APOL6: variants seen among roughly 807,000 people sequenced by gnomAD.
The protein encoded by APOL6 is apolipoprotein L6.
A neutral mutation model predicts 2.4 loss-of-function variants in APOL6; 1 was observed. The observed-to-expected ratio is 0.41, with a 90% CI of 0.15 to 1.94. APOL6 has a LOEUF of 1.94. Ranked by LOEUF, APOL6 falls within the 30% of genes most tolerant of loss-of-function variation. The pLI, the probability that APOL6 is intolerant of heterozygous loss-of-function variation, is 0.30. For synonymous variants in APOL6, 189 were observed against 169.3 expected (o/e 1.12, Z -0.90); for missense variants, 438 against 429.2 (o/e 1.02, Z -0.18).
rs567070302 is a variant in APOL6 at position 35,666,870 on chromosome 22, C to G, written c.*7274C>G. On this transcript the variant is annotated 3_prime_UTR_variant, in exon 3 of 3. Coordinates refer to ENST00000409652, the MANE Select transcript of APOL6 (RefSeq NM_030641.4). Reference sequence around the variant, plus strand: ...ACAGCTTTTAACAATTTAGTATACTCCTATGACAAAATTTGGAGCATATTT... The same window carrying G: ...ACAGCTTTTAACAATTTAGTATACTGCTATGACAAAATTTGGAGCATATTT... 5.3e-5 allele frequency: 8 copies of G among 152,320 alleles called. No homozygotes were observed. In the South Asian group the frequency reaches 1.7e-3, roughly 32 times the overall value. 9.4% of individuals were successfully genotyped at this position (152,320 alleles called of 1,614,324 possible).
In APOL6 at chr22:35,656,234, C is replaced by CA. The variant is rs1471422956; in HGVS notation, c.-47-143dup. 8.5e-5 allele frequency: 54 copies of CA among 634,384 alleles called. No individual in the cohort carries two copies. The East Asian group carries it at 1.5e-3, about 18-fold the overall frequency. 39.3% of individuals were successfully genotyped at this position (634,384 alleles called of 1,614,324 possible). A position where few individuals can be genotyped will look rare whatever the true frequency, so the allele number is the denominator to read the frequency against. ...TGTATGTAAGCTACACCTCAACATA[C>CA]AATTTTCAAATAATAGTTTGCAAAT... is the stretch of plus-strand genomic sequence containing the variant. On this transcript the variant is annotated intron_variant, in intron 1 of 2. Transcript: ENST00000409652.
Position 35,658,675 on chromosome 22 carries a change from C to T in APOL6, c.111C>T (p.Pro37=), listed in dbSNP as rs749676491. The change falls in exon 3 of 3, where the codon CCC becomes CCT. Residue 37 remains proline (P), a synonymous_variant. Transcript: ENST00000409652. ...AGCTACAAGACGGAGATCTGTCCCC[C>T]GAAGAAAAAATATTTTTGAGAGAAT... ...DVELQDGDLS[P]EEKIFLREFP... The T allele has an allele frequency of 5.6e-6, 9 of 1,613,898 alleles. No homozygotes were observed. Among genetic ancestry groups the T allele is most frequent in the Non-Finnish European group, 6.8e-6 (8 of 1,179,988 alleles).
At position 35,658,878 on chromosome 22, in the gene APOL6, G is replaced by A. The variant is rs1247471274; in HGVS notation, c.314G>A (p.Gly105Glu). The change falls in exon 3 of 3, where the codon GGA becomes GAA. Residue 105 changes from glycine to glutamate, a missense_variant. Gly to Glu is a moderately conservative substitution (Grantham distance 98). Coordinates refer to ENST00000409652, the MANE Select transcript of APOL6 (RefSeq NM_030641.4). Reference sequence around the variant, plus strand: ...GCCCTTGCCCCAGCAACAGGAGGAGGAAGCCTGCTGCTCTCCACCGCTGGT... The same window carrying A: ...GCCCTTGCCCCAGCAACAGGAGGAGAAAGCCTGCTGCTCTCCACCGCTGGT... ...GLALAPATGG[G>E]SLLLSTAGQG... The A allele has an allele frequency of 6.2e-7, 1 of 1,614,120 alleles. No homozygotes were observed. The highest frequency in any genetic ancestry group is 8.5e-7 in the Non-Finnish European group (1 of 1,180,028).
rs765098918 is a variant in APOL6, at chr22:35,656,470, G to A, written c.45G>A (p.Leu15=). ...GAGAAAGTGAGGCTGGTGTTGGTTT[G>A]CAAAGGTAATCCAAAGGGTGTAGTC... ...AERESEAGVG[L]QRDEDDAPLC... Residue 15 remains leucine (L), a synonymous_variant, in exon 2 of 3, where the codon TTG becomes TTA. Coordinates refer to ENST00000409652, the MANE Select transcript of APOL6 (RefSeq NM_030641.4). 3.0e-5 allele frequency: 48 copies of A among 1,613,948 alleles called. No homozygotes were observed. Among genetic ancestry groups the A allele is most frequent in the Non-Finnish European group, 3.6e-5 (42 of 1,179,976 alleles).
chr22:35,650,372 G>A lies in APOL6; in HGVS notation c.-48+1749G>A, dbSNP rs751184974. On this transcript the variant is annotated intron_variant, in intron 1 of 2. Coordinates refer to ENST00000409652, the MANE Select transcript of APOL6 (RefSeq NM_030641.4). Reference sequence around the variant, plus strand: ...TAAAATAACTGAAAACAACCCAAAGGTTCAACAGTGAGAGAGTTATTGAAT... The same window carrying A: ...TAAAATAACTGAAAACAACCCAAAGATTCAACAGTGAGAGAGTTATTGAAT... Among the ~76,000 whole-genome samples the A allele has an allele frequency of 2.0e-5, 3 of 152,024 alleles. No individual in the cohort carries two copies. The East Asian group carries it at 5.8e-4, about 29-fold the overall frequency.
At chr22:35,654,127 A>C (rs1172398547) in intron 1 of APOL6, among the ~76,000 whole-genome samples, 1 of 152,208 alleles carries the variant, frequency 6.6e-6, no homozygotes, top group African/African-American at 2.4e-5. Flanking sequence ...CTCTCTGGGC[A>C]CACCACCCTC....
chr22:35,656,296 A>G, intron 1 of APOL6, 83 bp from the exon 2 acceptor site: 1 of 1,053,092 alleles, frequency 9.5e-7, no homozygotes, highest in Non-Finnish European at 1.5e-6. Context: ...TTGATAGTAC[A>G]TAATCCAAAA....
chr22:35,664,233 A>C lies in APOL6; in HGVS notation c.*4637A>C, dbSNP rs920013744. On this transcript the variant is annotated 3_prime_UTR_variant, in exon 3 of 3. Transcript: ENST00000409652. The stretch of plus-strand genomic sequence containing the variant: ...AATTTGGCATAGGGGTTATAAAACT[A>C]TAAACCCAGCCCAAAACAGAATGAT... 1 of 152,244 alleles carries C rather than the reference A, an allele frequency of 6.6e-6. No homozygotes were observed. Among genetic ancestry groups the C allele is most frequent in the African/African-American group, 2.4e-5 (1 of 41,474 alleles). 9.4% of individuals were successfully genotyped at this position (152,244 alleles called of 1,614,324 possible).
intron 2 of APOL6, 142 bp downstream of exon 2, chr22:35,656,617 A>G (rs1924852414): frequency 2.1e-6 from 2 of 942,206 alleles, no homozygotes; most frequent in East Asian, 5.0e-5. Flanking sequence ...CATTATGCAT[A>G]TGAAAATCTG....
intron 1 of APOL6, among the ~76,000 whole-genome samples, chr22:35,652,262 A>G (rs1924717840): frequency 6.1e-5 from 1 of 16,262 alleles, no homozygotes; most frequent in Admixed American, 8.0e-4. Context: ...TTTTTCTTGT[A>G]AATTTGTTTG....
rs942647727 is a variant in APOL6 at position 35,668,302 on chromosome 22, G to T, written c.*8706G>T. The T allele has an allele frequency of 1.1e-4, 17 of 152,082 alleles. No homozygotes were observed. Among genetic ancestry groups the T allele is most frequent in the Non-Finnish European group, 2.4e-4 (16 of 68,062 alleles). The allele number at this position is 152,082 out of a possible 1,614,324, so 9.4% of individuals were successfully genotyped here. A position where few individuals can be genotyped will look rare whatever the true frequency, so the allele number is the denominator to read the frequency against. ...GTCTCCCTAAAATGTATAAAACCACGCTGTTCCCCGACCACCTGGAGCACA... is the reference window on the plus strand; with the variant it reads ...GTCTCCCTAAAATGTATAAAACCACTCTGTTCCCCGACCACCTGGAGCACA... On this transcript the variant is annotated 3_prime_UTR_variant, in exon 3 of 3. Coordinates refer to ENST00000409652, the MANE Select transcript of APOL6 (RefSeq NM_030641.4).
rs530115936 is a variant in APOL6, at chr22:35,661,097, T to A, written c.*1501T>A. ...TCTGTGGTGAGCAAAGTTTGCCTTA[T>A]TACACTGATAAAGTGTAATTACACT... On this transcript the variant is annotated 3_prime_UTR_variant, in exon 3 of 3. Transcript: ENST00000409652. 28 of 152,170 alleles carry A rather than the reference T, an allele frequency of 1.8e-4. No individual in the cohort carries two copies. Among genetic ancestry groups the A allele is most frequent in the African/African-American group, 6.7e-4 (28 of 41,486 alleles). 9.4% of individuals were successfully genotyped at this position (152,170 alleles called of 1,614,324 possible).
rs2145958817 is a variant in APOL6 at position 35,659,716 on chromosome 22, G to A, written c.*120G>A. The stretch of plus-strand genomic sequence containing the variant: ...GCATGCCTTCTGTTTCTCCTTCAAT[G>A]CTCCTTAAGGCCTATGTGCTGGGAA... On this transcript the variant is annotated 3_prime_UTR_variant, in exon 3 of 3. Coordinates refer to ENST00000409652, the MANE Select transcript of APOL6 (RefSeq NM_030641.4). 2.2e-6 allele frequency: 3 copies of A among 1,357,556 alleles called. No homozygotes were observed. Among genetic ancestry groups the A allele is most frequent in the East Asian group, 5.0e-5 (2 of 39,906 alleles). The allele number at this position is 1,357,556 out of a possible 1,614,324, so 84.1% of individuals were successfully genotyped here.
intron 2 of APOL6, among the ~76,000 whole-genome samples, chr22:35,657,163 A>G (rs1168554857): frequency 6.6e-6 from 1 of 152,198 alleles, no homozygotes; most frequent in Non-Finnish European, 1.5e-5. Context: ...CTTTGCAGCT[A>G]CATATCTATT....
At position 35,663,881 on chromosome 22, in the gene APOL6, T is replaced by C. The variant is rs1435041301; in HGVS notation, c.*4285T>C. 1 of 152,200 alleles carries C rather than the reference T, an allele frequency of 6.6e-6. No homozygotes were observed. Among genetic ancestry groups the C allele is most frequent in the Non-Finnish European group, 1.5e-5 (1 of 68,034 alleles). 9.4% of individuals were successfully genotyped at this position (152,200 alleles called of 1,614,324 possible). A position where few individuals can be genotyped will look rare whatever the true frequency, so the allele number is the denominator to read the frequency against. Reference sequence around the variant, plus strand: ...GGGGGCATTATAAATCTATAAAATGTACTTCTATTGGCATGCCTAATACGT... The same window carrying C: ...GGGGGCATTATAAATCTATAAAATGCACTTCTATTGGCATGCCTAATACGT... On this transcript the variant is annotated 3_prime_UTR_variant, in exon 3 of 3. Coordinates refer to ENST00000409652, the MANE Select transcript of APOL6 (RefSeq NM_030641.4).
chr22:35,656,465 G>A lies in APOL6; in HGVS notation c.40G>A (p.Gly14Ser). Residue 14 changes from glycine (G) to serine (S), a missense_variant, in exon 2 of 3, where the codon GGT (glycine) becomes AGT (serine). By Grantham distance (56) the Gly-to-Ser change is moderately conservative (BLOSUM62 0). Coordinates refer to ENST00000409652, the MANE Select transcript of APOL6 (RefSeq NM_030641.4). ...QAERESEAGV[G>S]LQRDEDDAPL... is the part of the protein sequence containing the mutation. Reference sequence around the variant, plus strand: ...GGAGAGAGAAAGTGAGGCTGGTGTTGGTTTGCAAAGGTAATCCAAAGGGTG... The same window carrying A: ...GGAGAGAGAAAGTGAGGCTGGTGTTAGTTTGCAAAGGTAATCCAAAGGGTG... 1 of 1,614,094 alleles carries A rather than the reference G, an allele frequency of 6.2e-7. No individual in the cohort carries two copies. Among genetic ancestry groups the A allele is most frequent in the Non-Finnish European group, 8.5e-7 (1 of 1,179,978 alleles).
chr22:35,651,860 G>T (rs914708736), intron 1 of APOL6, among the ~76,000 whole-genome samples: 9 of 152,162 alleles, frequency 5.9e-5, no homozygotes, highest in Non-Finnish European at 1.2e-4. Context: ...ATAAACATAT[G>T]TGTGCATGTG....
chr22:35,654,540 C>CTCTA (rs371113914), intron 1 of APOL6, among the ~76,000 whole-genome samples: 3 of 146,776 alleles, frequency 2.0e-5, no homozygotes, highest in East Asian at 4.2e-4. Flanking sequence ...CTCTCTCTCT[C>CTCTA]TATATATATA....
rs911402576 is a variant in APOL6 at position 35,660,010 on chromosome 22, A to G, written c.*414A>G. On this transcript the variant is annotated 3_prime_UTR_variant, in exon 3 of 3. Transcript: ENST00000409652. ...TCGAATTCCTGACCTCAAGTGATCC[A>G]CCCACCTTGGCCTCCCAAAATGCTG... is the stretch of plus-strand genomic sequence containing the variant. 4.1e-5 allele frequency: 7 copies of G among 171,714 alleles called. No individual in the cohort carries two copies. Among genetic ancestry groups the G allele is most frequent in the Non-Finnish European group, 8.9e-5 (7 of 78,580 alleles). The allele number at this position is 171,714 out of a possible 1,614,324, so 10.6% of individuals were successfully genotyped here. A position where few individuals can be genotyped will look rare whatever the true frequency, so the allele number is the denominator to read the frequency against.
Sources: gnomAD v4.1 joint callset for allele counts (sites outside exome capture counted in the v4.1 genomes callset) on GRCh38, gnomAD v4.1.1 for gene constraint, MANE v1.5 for transcripts, NCBI Gene and HGNC (gene_info 2026-07-23, HGNC 2026-07-21) for gene names.